Variants in NR1I2 observed in about 807,000 individuals in gnomAD.
NR1I2 encodes the protein orphan nuclear receptor PAR1.
NR1I2 carries 42 observed loss-of-function variants against 43.3 expected under a neutral mutation model. The observed-to-expected ratio is 0.97, with a 90% CI of 0.76 to 1.26. The LOEUF is 1.26. Ranked by LOEUF, NR1I2 falls within the 50% of genes most tolerant of loss-of-function variation. The probability of loss-of-function intolerance (pLI) is 0.00; values close to 1 mark genes in which losing one functional copy is unlikely to be tolerated. For synonymous variants in NR1I2, 229 were observed against 215.0 expected (o/e 1.06, Z -0.57); for missense variants, 559 against 566.7 (o/e 0.99, Z 0.14).
rs2055346914 is a variant in NR1I2, at chr3:119,817,455, C to T, written c.*243C>T. ...GACTCTTACGTGGAGAGTGCACTGA[C>T]CTGTAGGTCAGGACCATCAGAGAGG... On this transcript the variant is annotated 3_prime_UTR_variant, in exon 9 of 9. Coordinates refer to ENST00000393716, the MANE Select transcript of NR1I2 (RefSeq NM_003889.4). 4 of 1,374,886 alleles carry T rather than the reference C, an allele frequency of 2.9e-6. No homozygotes were observed. The highest frequency in any genetic ancestry group is 2.8e-6 in the Non-Finnish European group (3 of 1,060,048). 85.2% of individuals were successfully genotyped at this position (1,374,886 alleles called of 1,614,324 possible).
intron 2 of NR1I2, among the ~76,000 whole-genome samples, chr3:119,807,899 G>T (rs996452320): frequency 2.0e-5 from 3 of 152,188 alleles, no homozygotes; most frequent in Non-Finnish European, 2.9e-5. Flanking sequence ...GCACCCTCCG[G>T]AGGGCACAGG....
chr3:119,785,734 CT>C lies in NR1I2; in HGVS notation c.-23+3436del, dbSNP rs1334907214. On this transcript the variant is annotated intron_variant, in intron 1 of 8. Transcript: ENST00000393716. ...TCTTATAAATTTTGGCCTCTTGAGA[CT>C]TCCTTTACTTTCCTACCAGCTCAAT... Among the ~76,000 whole-genome samples, 3 of 152,314 alleles carry C rather than the reference CT, an allele frequency of 2.0e-5. No homozygotes were observed. The East Asian group carries it at 5.8e-4, about 29-fold the overall frequency.
chr3:119,802,896 C>T, intron 1 of NR1I2: 1 of 456,574 alleles, frequency 2.2e-6, no homozygotes, highest in South Asian at 1.5e-5. Flanking sequence ...AAATGAGTGC[C>T]ATGTTCTGAA....
intron 1 of NR1I2, among the ~76,000 whole-genome samples, chr3:119,797,398 C>T (rs1386685285): frequency 6.6e-5 from 10 of 152,086 alleles, no homozygotes; most frequent in Admixed American, 2.0e-4. Context: ...CCTTCCTCTG[C>T]GTCTACCATA....
At chr3:119,790,827 C>A (rs1010070706) in intron 1 of NR1I2, among the ~76,000 whole-genome samples, 3 of 152,168 alleles carry the variant, frequency 2.0e-5, no homozygotes, top group Admixed American at 6.5e-5. Flanking sequence ...TTCTTCCTTG[C>A]AAACAGCCCT....
chr3:119,812,673 G>A lies in NR1I2; in HGVS notation c.520-13G>A, dbSNP rs989832119. 1.9e-6 allele frequency: 3 copies of A among 1,613,348 alleles called. No individual in the cohort carries two copies. Among genetic ancestry groups the A allele is most frequent in the Non-Finnish European group, 2.5e-6 (3 of 1,179,968 alleles). ...CTGTCTCTCCTCTGTCCACCTCCTG[G>A]CATGTGTCCTAGCTGCCAGGGGTGC... On this transcript the variant is annotated splice_polypyrimidine_tract_variant and intron_variant, in intron 4 of 8. Transcript: ENST00000393716.
Position 119,792,278 on chromosome 3 carries a change from C to G in NR1I2, c.-23+9978C>G, listed in dbSNP as rs538446984. On this transcript the variant is annotated intron_variant, in intron 1 of 8. Coordinates refer to ENST00000393716, the MANE Select transcript of NR1I2 (RefSeq NM_003889.4). ...TGGTCTCCAGGCAGGTGAGCGACGA[C>G]CTTATGGAGCGAGCAGCCACCTTTG... 4 of 1,525,016 alleles carry G rather than the reference C, an allele frequency of 2.6e-6. No individual in the cohort carries two copies. The Admixed American group carries it at 7.1e-5, about 27-fold the overall frequency. The allele number at this position is 1,525,016 out of a possible 1,614,324, so 94.5% of individuals were successfully genotyped here. A position where few individuals can be genotyped will look rare whatever the true frequency, so the allele number is the denominator to read the frequency against.
chr3:119,794,150 C>T (rs1189443377), intron 1 of NR1I2, among the ~76,000 whole-genome samples: 3 of 151,806 alleles, frequency 2.0e-5, no homozygotes, highest in Non-Finnish European at 4.4e-5. Flanking sequence ...GCTAGGACTA[C>T]AGGCATGCAC....
chr3:119,812,625 G>C (rs2055259755), intron 4 of NR1I2, 61 bp from the exon 5 acceptor site: 10 of 1,603,642 alleles, frequency 6.2e-6, no homozygotes, highest in Non-Finnish European at 8.5e-6. Context: ...GCCTGAGTTG[G>C]GACCTGTCTA....
At chr3:119,816,684 T>C (rs1262211108) in intron 8 of NR1I2, among the ~76,000 whole-genome samples, 1 of 151,960 alleles carries the variant, frequency 6.6e-6, no homozygotes, top group Admixed American at 6.6e-5. Context: ...TAGCCAGGTA[T>C]GGTGGCATGT....
intron 1 of NR1I2, among the ~76,000 whole-genome samples, chr3:119,793,092 C>A (rs976511312): frequency 6.6e-6 from 1 of 152,100 alleles, no homozygotes; most frequent in Non-Finnish European, 1.5e-5. Flanking sequence ...CATGCCGGCT[C>A]GCACTTCACC....
At chr3:119,790,709 G>C (rs927224453) in intron 1 of NR1I2, among the ~76,000 whole-genome samples, 3 of 152,150 alleles carry the variant, frequency 2.0e-5, no homozygotes, top group African/African-American at 7.2e-5. Flanking sequence ...TTTTAAATGT[G>C]TACTATGTTC....
intron 8 of NR1I2, among the ~76,000 whole-genome samples, chr3:119,816,505 CG>C (rs902665173): frequency 2.4e-4 from 37 of 152,260 alleles, no homozygotes; most frequent in African/African-American, 8.9e-4. Context: ...CATTTTCCCA[CG>C]GAAGTCTCTG....
At position 119,812,914 on chromosome 3, in the gene NR1I2, A is replaced by C; in HGVS notation, c.748A>C (p.Met250Leu). 1 of 1,614,074 alleles carries C rather than the reference A, an allele frequency of 6.2e-7. No homozygotes were observed. Among genetic ancestry groups the C allele is most frequent in the Non-Finnish European group, 8.5e-7 (1 of 1,180,018 alleles). ...CCACATGGCTGACATGTCAACCTAC[A>C]TGTTCAAAGGCATCATCAGCTTTGC... is the stretch of plus-strand genomic sequence containing the variant. The change falls in exon 5 of 9, where the codon ATG (methionine) becomes CTG (leucine). Residue 250 changes from methionine (M) to leucine (L), a missense_variant. Physicochemically the swap from Met to Leu is conservative, Grantham distance 15. This residue lies in a region of NR1I2 where 323 missense variants were observed against 312.2 expected (regional missense o/e 1.03). Transcript: ENST00000393716.
chr3:119,807,123 A>G (rs954991201), intron 1 of NR1I2, 106 bp from the exon 2 acceptor site: 2 of 1,024,412 alleles, frequency 2.0e-6, no homozygotes, highest in Non-Finnish European at 1.5e-6. Flanking sequence ...TCCCGAGTTC[A>G]CAGGCCCAAA....
chr3:119,792,529 C>A (rs543276473), intron 1 of NR1I2: 5 of 994,232 alleles, frequency 5.0e-6, no homozygotes, highest in Non-Finnish European at 6.2e-6. Flanking sequence ...CAGGGCAGTC[C>A]GTGCTCCTCC....
At chr3:119,786,029 C>T (rs1419693634) in intron 1 of NR1I2, among the ~76,000 whole-genome samples, 1 of 152,104 alleles carries the variant, frequency 6.6e-6, no homozygotes, top group East Asian at 1.9e-4. Flanking sequence ...TTATTAAATG[C>T]TGTTAAGCAT....
intron 1 of NR1I2, among the ~76,000 whole-genome samples, chr3:119,785,929 T>G (rs2054837064): frequency 6.6e-6 from 1 of 152,238 alleles, no homozygotes; most frequent in Non-Finnish European, 1.5e-5. Flanking sequence ...AGTAAAAGTG[T>G]TTAGTAACTA....
chr3:119,796,032 C>T (rs2054994366), intron 1 of NR1I2, among the ~76,000 whole-genome samples: 1 of 152,212 alleles, frequency 6.6e-6, no homozygotes, highest in Non-Finnish European at 1.5e-5. Flanking sequence ...TGGATCACCT[C>T]CCTGCCTCTC....
Sources: gnomAD v4.1 joint callset for allele counts (sites outside exome capture counted in the v4.1 genomes callset) on GRCh38, gnomAD v4.1.1 for gene constraint, gnomAD v4.1.1 regional missense constraint, MANE v1.5 for transcripts, NCBI Gene and HGNC (gene_info 2026-07-23, HGNC 2026-07-21) for gene names.